The following SLC12A7 variants were observed in gnomAD, a reference collection of about 807,000 sequenced individuals.
SLC12A7 encodes the protein solute carrier family 12 member 7.
In SLC12A7, 100 loss-of-function variants were observed where a neutral mutation model predicts 120.6. The observed-to-expected ratio is 0.83, with a 90% CI of 0.71 to 0.98. The LOEUF is 0.98. Ranked by LOEUF, SLC12A7 falls within the 50% of genes least tolerant of loss-of-function variation. The pLI, the probability that SLC12A7 is intolerant of heterozygous loss-of-function variation, is 0.00. For missense variants in SLC12A7, 1,373 were observed against 1,548.1 expected, an observed-to-expected ratio of 0.89 and a Z score of 1.90; for synonymous variants, 760 against 678.0, an observed-to-expected ratio of 1.12 and a Z score of -1.88.
At chr5:1,127,312 C>T in the SLC12A7 span, among the ~76,000 whole-genome samples, 3,558 of 152,328 alleles carry the variant, frequency 0.023, 132 homozygotes, top group African/African-American at 0.082. Flanking sequence ...CACGCCTGGC[C>T]GACTGATGTC....
the SLC12A7 span, among the ~76,000 whole-genome samples, chr5:1,149,016 G>A: frequency 9.2e-5 from 14 of 151,674 alleles, no homozygotes; most frequent in African/African-American, 1.5e-4. Context: ...ATCCACCCAC[G>A]GACAACTGGG....
intron 17 of SLC12A7, among the ~76,000 whole-genome samples, chr5:1,073,384 G>T (rs1737920554): frequency 6.6e-6 from 1 of 152,340 alleles, no homozygotes; most frequent in South Asian, 2.1e-4. Context: ...CCCATGGCGG[G>T]AGGAGGCGGT....
the SLC12A7 span, among the ~76,000 whole-genome samples, chr5:1,118,870 G>T: frequency 1.3e-5 from 2 of 152,222 alleles, no homozygotes; most frequent in Non-Finnish European, 2.9e-5. Context: ...GGCGTGTCTC[G>T]CTGAACTTCT....
chr5:1,079,904 A>C (rs1198970121), intron 9 of SLC12A7, among the ~76,000 whole-genome samples: 3 of 152,224 alleles, frequency 2.0e-5, no homozygotes, highest in Non-Finnish European at 4.4e-5. Flanking sequence ...CCAGCCAGCC[A>C]GGCCAGCAGA....
chr5:1,073,477 G>A (rs796288821), intron 17 of SLC12A7, among the ~76,000 whole-genome samples, 156 bp downstream of exon 17: 28 of 152,332 alleles, frequency 1.8e-4, no homozygotes, highest in South Asian at 4.1e-4. Context: ...AGGCCTTAGC[G>A]CGCTGCTCTG....
In SLC12A7 at chr5:1,082,904, C is replaced by G. The variant is rs543537720; in HGVS notation, c.1129+841G>C. Among the ~76,000 whole-genome samples, 28 of 147,170 alleles carry G rather than the reference C, an allele frequency of 1.9e-4. No individual in the cohort carries two copies. In the South Asian group the frequency reaches 6.0e-3, roughly 31 times the overall value. On this transcript the variant is annotated intron_variant, in intron 8 of 23. Coordinates refer to ENST00000264930, the MANE Select transcript of SLC12A7 (RefSeq NM_006598.3). ...CTTCCCGTCTCGGGTTCTGGAAAGCCTGGGCTTCCCGTCTCGGGTTCTGGA... is the reference window on the plus strand; with the variant it reads ...CTTCCCGTCTCGGGTTCTGGAAAGCGTGGGCTTCCCGTCTCGGGTTCTGGA...
At chr5:1,100,879 G>A (rs1023071118) in intron 1 of SLC12A7, among the ~76,000 whole-genome samples, 2 of 152,224 alleles carry the variant, frequency 1.3e-5, no homozygotes, top group African/African-American at 2.4e-5. Flanking sequence ...GTTGGATCCC[G>A]GATGTGTCCT....
chr5:1,112,912 C>T (rs558336317), upstream of SLC12A7, among the ~76,000 whole-genome samples: 9 of 146,878 alleles, frequency 6.1e-5, no homozygotes, highest in African/African-American at 2.3e-4. Flanking sequence ...ACGAAGACCC[C>T]AGTCTCCTCC....
chr5:1,137,783 T>A, the SLC12A7 span, among the ~76,000 whole-genome samples: 12 of 152,292 alleles, frequency 7.9e-5, no homozygotes, highest in African/African-American at 2.9e-4. Flanking sequence ...TCAGAACCCT[T>A]GGTCTGGCTG....
At chr5:1,054,024 A>G (rs557806202) in intron 22 of SLC12A7, among the ~76,000 whole-genome samples, 1 of 152,346 alleles carries the variant, frequency 6.6e-6, no homozygotes, top group East Asian at 1.9e-4. Flanking sequence ...AAAGGCCCAG[A>G]GTCCCCCACA....
In SLC12A7 at chr5:1,064,068, C is replaced by T. The variant is rs376700762; in HGVS notation, c.2607+15G>A. The T allele has an allele frequency of 1.8e-5, 29 of 1,601,422 alleles. No homozygotes were observed. Among genetic ancestry groups the T allele is most frequent in the African/African-American group, 5.4e-5 (4 of 74,624 alleles). ...GGCCGTGCTCCGGCTGGCGTGTCCC[C>T]GTCGCACGCCCCACCTTGTGCTGGC... On this transcript the variant is annotated intron_variant, in intron 19 of 23. Transcript: ENST00000264930.
At chr5:1,104,674 C>CA (rs11374557) in intron 1 of SLC12A7, among the ~76,000 whole-genome samples, 113,943 of 151,844 alleles carry the variant, frequency 0.75, 43,162 homozygotes, top group African/African-American at 0.87. Flanking sequence ...CGAGGCCCAC[C>CA]GGGGGGTGCG....
chr5:1,101,114 G>C (rs1323320190), intron 1 of SLC12A7, among the ~76,000 whole-genome samples: 2 of 152,180 alleles, frequency 1.3e-5, no homozygotes, highest in African/African-American at 4.8e-5. Flanking sequence ...GGAACAGCCT[G>C]TTTCAGCGCC....
chr5:1,125,806 T>C, the SLC12A7 span, among the ~76,000 whole-genome samples: 1 of 150,736 alleles, frequency 6.6e-6, no homozygotes, highest in Non-Finnish European at 1.5e-5. Flanking sequence ...GTGCCTGTAA[T>C]CCCAGCTACT....
chr5:1,104,894 C>T (rs1302519383), intron 1 of SLC12A7, among the ~76,000 whole-genome samples: 4 of 152,250 alleles, frequency 2.6e-5, no homozygotes, highest in African/African-American at 7.2e-5. Context: ...ACTCGGACCC[C>T]GAGACCCCTG....
Position 1,058,205 on chromosome 5 carries a change from C to T in SLC12A7, c.2848-556G>A, listed in dbSNP as rs191189474. 5.5e-3 allele frequency among the ~76,000 whole-genome samples: 837 copies of T among 152,358 alleles called. 3 individuals carry two copies. The highest frequency in any genetic ancestry group is 8.0e-3 in the Non-Finnish European group (547 of 68,020). The stretch of plus-strand genomic sequence containing the variant: ...CCCCTGTGCGTCACTTCTGACAATC[C>T]GAGGAAAATGAAAACACCGTCCACG... On this transcript the variant is annotated intron_variant, in intron 21 of 23. Coordinates refer to ENST00000264930, the MANE Select transcript of SLC12A7 (RefSeq NM_006598.3).
the SLC12A7 span, among the ~76,000 whole-genome samples, chr5:1,127,026 T>C: frequency 6.6e-6 from 1 of 152,044 alleles, no homozygotes; most frequent in Admixed American, 6.6e-5. Context: ...CTGATGTCTT[T>C]TTTTTTTTAG....
chr5:1,124,586 C>T, the SLC12A7 span, among the ~76,000 whole-genome samples: 19 of 152,150 alleles, frequency 1.2e-4, no homozygotes, highest in Admixed American at 2.0e-4. Flanking sequence ...GCTCAGAGAA[C>T]ACGGACTGGC....
intron 1 of SLC12A7, among the ~76,000 whole-genome samples, chr5:1,101,819 T>TCCGGAG (rs1742050342): frequency 9.0e-6 from 1 of 111,694 alleles, no homozygotes; most frequent in Non-Finnish European, 1.7e-5. Context: ...CTTGTGGCCC[T>TCCGGAG]CCGGAGCCGC....
Sources: gnomAD v4.1 joint callset for allele counts (sites outside exome capture counted in the v4.1 genomes callset) on GRCh38, gnomAD v4.1.1 for gene constraint, MANE v1.5 for transcripts, NCBI Gene and HGNC (gene_info 2026-07-23, HGNC 2026-07-21) for gene names.